The following SIPA1L2 variants were observed in gnomAD, a reference collection of about 807,000 sequenced individuals.
SIPA1L2 encodes the protein signal-induced proliferation-associated 1-like protein 2.
A neutral mutation model predicts 163.9 loss-of-function variants in SIPA1L2; 56 were observed. The observed-to-expected ratio is 0.34, with a 90% CI of 0.28 to 0.43. The LOEUF (loss-of-function observed/expected upper bound fraction) is 0.43. SIPA1L2 is among the 20% of genes least tolerant of loss of function. The pLI is 1.00. For synonymous variants in SIPA1L2, 877 were observed against 865.7 expected (o/e 1.01, Z -0.23); for missense variants, 1,974 against 2,193.5 (o/e 0.90, Z 2.00).
intron 14 of SIPA1L2, 21 bp from the exon 15 acceptor site, chr1:232,439,517 G>C (rs745822664): frequency 1.3e-6 from 2 of 1,599,214 alleles, no homozygotes; most frequent in South Asian, 1.1e-5. Context: ...AAGAGGAACA[G>C]AGAGTTCTCA....
intron 15 of SIPA1L2, among the ~76,000 whole-genome samples, chr1:232,437,792 G>A (rs1662655230): frequency 6.6e-6 from 1 of 152,178 alleles, no homozygotes; most frequent in African/African-American, 2.4e-5. Flanking sequence ...TGTTTCTTCT[G>A]CAGAAACTAG....
intron 3 of SIPA1L2, among the ~76,000 whole-genome samples, chr1:232,502,135 T>G (rs1016348543): frequency 1.3e-5 from 2 of 152,220 alleles, no homozygotes; most frequent in East Asian, 3.9e-4. Flanking sequence ...TTGATACTTA[T>G]CACGTGCTTA....
chr1:232,595,603 G>C (rs1490533732), intron 1 of SIPA1L2, among the ~76,000 whole-genome samples: 1 of 152,100 alleles, frequency 6.6e-6, no homozygotes, highest in East Asian at 1.9e-4. Context: ...CTCTGGGTCT[G>C]CAAAAGTCAT....
chr1:232,456,490 G>A (rs1279841216), intron 10 of SIPA1L2, among the ~76,000 whole-genome samples: 1 of 152,060 alleles, frequency 6.6e-6, no homozygotes, highest in East Asian at 1.9e-4. Flanking sequence ...AACAAAGTAT[G>A]AAAAAAATCA....
chr1:232,556,646 A>G (rs1658722693), intron 2 of SIPA1L2, among the ~76,000 whole-genome samples: 1 of 152,026 alleles, frequency 6.6e-6, no homozygotes, highest in South Asian at 2.1e-4. Context: ...TGTCTTCGGG[A>G]GCTGTTATCA....
chr1:232,576,422 A>G (rs922652300), intron 1 of SIPA1L2, among the ~76,000 whole-genome samples: 1 of 152,246 alleles, frequency 6.6e-6, no homozygotes, highest in African/African-American at 2.4e-5. Context: ...CCACATTCAT[A>G]TAAAACAGTG....
At chr1:232,588,747 G>C (rs551862050) in intron 1 of SIPA1L2, among the ~76,000 whole-genome samples, 2 of 152,300 alleles carry the variant, frequency 1.3e-5, no homozygotes, top group South Asian at 4.1e-4. Flanking sequence ...ATTGAATGCA[G>C]ATGCAAGGCA....
intron 2 of SIPA1L2, among the ~76,000 whole-genome samples, chr1:232,549,858 A>T (rs1426323744): frequency 6.6e-6 from 1 of 152,210 alleles, no homozygotes; most frequent in Non-Finnish European, 1.5e-5. Flanking sequence ...GCTGCCTTAG[A>T]TTATAATAAC....
intron 3 of SIPA1L2, among the ~76,000 whole-genome samples, chr1:232,502,833 G>GT (rs1666548975): frequency 6.6e-6 from 1 of 152,216 alleles, no homozygotes; most frequent in Admixed American, 6.5e-5. Context: ...ATTCAATAAT[G>GT]TAAGACGCTG....
chr1:232,410,228 T>C (rs1371338456), intron 19 of SIPA1L2, among the ~76,000 whole-genome samples: 4 of 152,300 alleles, frequency 2.6e-5, no homozygotes, highest in South Asian at 2.1e-4. Context: ...AAGTAGATAT[T>C]AGTCTTTGGG....
At chr1:232,436,715 C>CT (rs577485309) in intron 15 of SIPA1L2, among the ~76,000 whole-genome samples, 38 of 152,306 alleles carry the variant, frequency 2.5e-4, no homozygotes, top group African/African-American at 9.1e-4. Flanking sequence ...AATGAGTCAC[C>CT]TGCCTTTCAC....
chr1:232,625,835 T>C (rs1417375525), intron 1 of SIPA1L2, among the ~76,000 whole-genome samples: 7 of 152,326 alleles, frequency 4.6e-5, no homozygotes, highest in South Asian at 2.1e-4. Context: ...TTACTTGCAA[T>C]GTTCAGGTAT....
intron 1 of SIPA1L2, among the ~76,000 whole-genome samples, chr1:232,602,581 G>A (rs765572105): frequency 2.6e-5 from 4 of 152,012 alleles, no homozygotes; most frequent in Non-Finnish European, 5.9e-5. Flanking sequence ...CACCCACCTC[G>A]GCCTCCCAAA....
intron 10 of SIPA1L2, among the ~76,000 whole-genome samples, chr1:232,457,251 T>G (rs762191951): frequency 1.6e-4 from 24 of 152,234 alleles, no homozygotes; most frequent in Non-Finnish European, 3.5e-4. Flanking sequence ...AAAAACTGTC[T>G]ATTAAATGAC....
intron 16 of SIPA1L2, among the ~76,000 whole-genome samples, chr1:232,429,832 T>C (rs1304390400): frequency 6.6e-6 from 1 of 152,124 alleles, no homozygotes; most frequent in African/African-American, 2.4e-5. Context: ...TAGGTGGTGC[T>C]CAAGAGCTCC....
intron 10 of SIPA1L2, among the ~76,000 whole-genome samples, chr1:232,454,563 C>T (rs75583788): frequency 0.018 from 2,707 of 152,272 alleles, 82 homozygotes; most frequent in African/African-American, 0.06. Context: ...AGCTATCTGA[C>T]GCCTGATTTT....
chr1:232,442,417 G>A (rs796332664), intron 12 of SIPA1L2, among the ~76,000 whole-genome samples: 65 of 151,542 alleles, frequency 4.3e-4, no homozygotes, highest in African/African-American at 1.5e-3. Flanking sequence ...GCGTGGTGGC[G>A]AGCGCCTGTA....
At chr1:232,421,191 C>T (rs574746858) in intron 18 of SIPA1L2, among the ~76,000 whole-genome samples, 7 of 152,230 alleles carry the variant, frequency 4.6e-5, no homozygotes, top group East Asian at 1.9e-4. Context: ...GACACTTCTC[C>T]GTGCTCACAA....
chr1:232,527,596 A>G (rs1667766193), intron 2 of SIPA1L2, among the ~76,000 whole-genome samples: 1 of 152,176 alleles, frequency 6.6e-6, no homozygotes, highest in Non-Finnish European at 1.5e-5. Flanking sequence ...ATTATTTTTA[A>G]GAAGTTCATA....
Sources: gnomAD v4.1 joint callset for allele counts (sites outside exome capture counted in the v4.1 genomes callset) on GRCh38, gnomAD v4.1.1 for gene constraint, MANE v1.5 for transcripts, NCBI Gene and HGNC (gene_info 2026-07-23, HGNC 2026-07-21) for gene names.